The following CHST9 variants were observed in gnomAD, a reference collection of about 807,000 sequenced individuals.
The protein encoded by CHST9 is GalNAc-4-sulfotransferase 2.
CHST9 carries 41 observed loss-of-function variants against 44.4 expected under a neutral mutation model. The observed-to-expected ratio is 0.92, with a 90% confidence interval of 0.72 to 1.20. The LOEUF (loss-of-function observed/expected upper bound fraction) is 1.20. Ranked by LOEUF, CHST9 falls within the 50% of genes most tolerant of loss-of-function variation. CHST9 has a pLI of 0.00. For missense variants in CHST9, 504 were observed against 516.5 expected (o/e 0.98, Z 0.23); for synonymous variants, 171 against 178.4 (o/e 0.96, Z 0.33).
intron 1 of CHST9, among the ~76,000 whole-genome samples, chr18:27,149,746 C>T (rs576248887): frequency 2.2e-4 from 34 of 151,910 alleles, no homozygotes; most frequent in African/African-American, 8.2e-4. Context: ...TGGGTAAATT[C>T]TTCTGAGCCA....
intron 3 of CHST9, among the ~76,000 whole-genome samples, chr18:27,047,422 T>TGTGTC (rs1568148127): frequency 1.4e-5 from 1 of 69,240 alleles, no homozygotes; most frequent in African/African-American, 6.4e-5. Context: ...GTGTGTGTGT[T>TGTGTC]CATGATCAGG....
chr18:27,042,800 T>C (rs1435056476), intron 3 of CHST9, among the ~76,000 whole-genome samples: 1 of 149,810 alleles, frequency 6.7e-6, no homozygotes, highest in East Asian at 1.9e-4. Context: ...CCTCCCTCCC[T>C]CTCTCTCTCT....
chr18:27,126,210 C>T (rs1598742062), intron 2 of CHST9, among the ~76,000 whole-genome samples: 1 of 152,094 alleles, frequency 6.6e-6, no homozygotes, highest in South Asian at 2.1e-4. Context: ...GCTACATGTG[C>T]CTCTGACTAA....
chr18:27,178,245 G>C (rs1453888969), intron 1 of CHST9, among the ~76,000 whole-genome samples: 1 of 151,862 alleles, frequency 6.6e-6, no homozygotes, highest in Non-Finnish European at 1.5e-5. Flanking sequence ...AGAGAATTTT[G>C]TGATTGTGTC....
intron 2 of CHST9, among the ~76,000 whole-genome samples, chr18:27,089,063 A>G (rs1405218211): frequency 6.6e-6 from 1 of 152,236 alleles, no homozygotes. Context: ...ACTTCACACT[A>G]TTCGTAAAAC....
chr18:26,960,440 A>C (rs1197817877), intron 4 of CHST9, among the ~76,000 whole-genome samples: 3 of 152,232 alleles, frequency 2.0e-5, no homozygotes, highest in Non-Finnish European at 2.9e-5. Flanking sequence ...GTTTGGTGTA[A>C]GAGCTTAAGT....
intron 4 of CHST9, among the ~76,000 whole-genome samples, chr18:27,006,692 T>C (rs1210291872): frequency 2.0e-5 from 3 of 152,220 alleles, no homozygotes; most frequent in East Asian, 3.9e-4. Flanking sequence ...ATTTATGTGA[T>C]TGCTTCTCAG....
chr18:27,098,915 A>C (rs2058144113), intron 2 of CHST9, among the ~76,000 whole-genome samples: 1 of 152,172 alleles, frequency 6.6e-6, no homozygotes, highest in Non-Finnish European at 1.5e-5. Flanking sequence ...AAAAGGAAAA[A>C]GCTGGAGGCA....
chr18:27,029,452 A>C (rs554264744), intron 3 of CHST9, among the ~76,000 whole-genome samples: 47 of 152,240 alleles, frequency 3.1e-4, no homozygotes, highest in African/African-American at 1.0e-3. Context: ...GAACCAAGGA[A>C]CCAAGGGTGG....
intron 2 of CHST9, among the ~76,000 whole-genome samples, chr18:27,105,773 C>T (rs1361678311): frequency 6.6e-6 from 1 of 151,936 alleles, no homozygotes; most frequent in Non-Finnish European, 1.5e-5. Context: ...TTATTTGGAC[C>T]AGAAATGTGC....
intron 4 of CHST9, among the ~76,000 whole-genome samples, chr18:26,953,075 T>C (rs1395746947): frequency 6.6e-6 from 1 of 152,184 alleles, no homozygotes; most frequent in African/African-American, 2.4e-5. Flanking sequence ...GCCTTTCACT[T>C]CTTGGAGTTC....
intron 4 of CHST9, among the ~76,000 whole-genome samples, chr18:26,951,222 C>G (rs2145130785): frequency 6.6e-6 from 1 of 152,234 alleles, no homozygotes; most frequent in African/African-American, 2.4e-5. Context: ...TGGGGAAGGA[C>G]CTATTTCTCT....
intron 1 of CHST9, among the ~76,000 whole-genome samples, chr18:27,158,732 G>A (rs2058719067): frequency 6.6e-6 from 1 of 150,758 alleles, no homozygotes; most frequent in African/African-American, 2.4e-5. Flanking sequence ...CAGTGTAAAA[G>A]TGTTCCTATT....
At chr18:27,120,956 T>G (rs1029773053) in intron 2 of CHST9, among the ~76,000 whole-genome samples, 1 of 152,186 alleles carries the variant, frequency 6.6e-6, no homozygotes, top group Admixed American at 6.5e-5. Context: ...ACCACAGAGT[T>G]AAATGTGGTT....
intron 2 of CHST9, among the ~76,000 whole-genome samples, chr18:27,104,192 TA>T (rs1476778860): frequency 6.6e-6 from 1 of 152,110 alleles, no homozygotes; most frequent in Non-Finnish European, 1.5e-5. Flanking sequence ...GTCATTTAAG[TA>T]AATTCTACAT....
intron 2 of CHST9, among the ~76,000 whole-genome samples, chr18:27,062,030 T>C (rs1183213617): frequency 6.6e-6 from 1 of 152,098 alleles, no homozygotes; most frequent in Admixed American, 6.6e-5. Context: ...CTGCGTTAAG[T>C]CCACAAATAC....
chr18:27,051,478 G>A (rs2057566077), intron 2 of CHST9, among the ~76,000 whole-genome samples: 1 of 152,074 alleles, frequency 6.6e-6, no homozygotes, highest in Non-Finnish European at 1.5e-5. Flanking sequence ...CACTCCCTCT[G>A]GGGGATGCCG....
At chr18:27,054,557 T>C (rs1459884581) in intron 2 of CHST9, among the ~76,000 whole-genome samples, 4 of 152,202 alleles carry the variant, frequency 2.6e-5, no homozygotes, top group Non-Finnish European at 5.9e-5. Context: ...GTCTCAATAT[T>C]TTTAAAAGCT....
chr18:27,148,132 T>A (rs909707285), intron 1 of CHST9, among the ~76,000 whole-genome samples: 1 of 152,170 alleles, frequency 6.6e-6, no homozygotes, highest in African/African-American at 2.4e-5. Flanking sequence ...TTTCTGTTCC[T>A]GGGTTAGTTT....
Sources: gnomAD v4.1 joint callset for allele counts (sites outside exome capture counted in the v4.1 genomes callset) on GRCh38, gnomAD v4.1.1 for gene constraint, MANE v1.5 for transcripts, NCBI Gene and HGNC (gene_info 2026-07-23, HGNC 2026-07-21) for gene names.